The following TTC27 variants were observed in gnomAD, a reference collection of about 807,000 sequenced individuals.
The protein encoded by TTC27 is tetratricopeptide repeat domain 27, also known as tetratricopeptide repeat protein 27.
In TTC27, 79 loss-of-function variants were observed where a neutral mutation model predicts 115.9. That is an observed-to-expected ratio of 0.68 (90% confidence interval 0.57 to 0.82). The LOEUF (loss-of-function observed/expected upper bound fraction) is 0.82. TTC27 is among the 40% of genes least tolerant of loss of function. TTC27 has a pLI of 0.00. For missense variants in TTC27, 1,054 were observed against 993.1 expected (o/e 1.06, Z -0.82); for synonymous variants, 401 against 356.0 (o/e 1.13, Z -1.42).
intron 3 of TTC27, among the ~76,000 whole-genome samples, chr2:32,638,467 C>T (rs1389467138): frequency 1.3e-5 from 2 of 152,188 alleles, no homozygotes; most frequent in African/African-American, 2.4e-5. Context: ...TAACCTCCGC[C>T]TCCCAGGTTC....
At chr2:32,765,335 T>G (rs1340078358) in intron 13 of TTC27, among the ~76,000 whole-genome samples, 1 of 151,164 alleles carries the variant, frequency 6.6e-6, no homozygotes, top group African/African-American at 2.4e-5. Flanking sequence ...ATGTCAATGA[T>G]CAGTAATATT....
chr2:32,777,954 C>G lies in TTC27; in HGVS notation c.1753C>G (p.Gln585Glu). ...EDYQGSAKAF[Q>E]RCVTLEPDNA... ...CTATCAAGGTTCAGCAAAGGCATTT[C>G]AGCGCTGTGTGACTCTAGAACCCGA... is the stretch of plus-strand genomic sequence containing the variant. The change falls in exon 14 of 20, where the codon CAG becomes GAG. Residue 585 changes from glutamine (Q) to glutamate (E), a missense_variant. By Grantham distance (29) the Gln-to-Glu change is conservative. Coordinates refer to ENST00000317907, the MANE Select transcript of TTC27 (RefSeq NM_017735.5). 6.2e-7 allele frequency: 1 copy of G among 1,614,090 alleles called. No individual in the cohort carries two copies. The highest frequency in any genetic ancestry group is 1.1e-5 in the South Asian group (1 of 91,064).
chr2:32,628,739 C>CTATTTATTTATTTATT (rs35823725), intron 1 of TTC27, among the ~76,000 whole-genome samples: 1 of 144,994 alleles, frequency 6.9e-6, no homozygotes, highest in African/African-American at 2.6e-5. Context: ...TTTATTTTAT[C>CTATTTATTTATTTATT]TATTTATTTA....
At chr2:32,779,121 G>C (rs1670090561) in intron 14 of TTC27, among the ~76,000 whole-genome samples, 1 of 152,156 alleles carries the variant, frequency 6.6e-6, no homozygotes, top group Non-Finnish European at 1.5e-5. Flanking sequence ...TACTCAGGAG[G>C]CTGAGGCGGG....
intron 15 of TTC27, among the ~76,000 whole-genome samples, chr2:32,783,684 A>G (rs990168814): frequency 6.6e-6 from 1 of 152,266 alleles, no homozygotes; most frequent in African/African-American, 2.4e-5. Flanking sequence ...TGTTGTAACA[A>G]TTCAGGCATG....
intron 16 of TTC27, among the ~76,000 whole-genome samples, chr2:32,793,054 A>G (rs1283395438): frequency 6.6e-6 from 1 of 152,186 alleles, no homozygotes; most frequent in Non-Finnish European, 1.5e-5. Context: ...AATGAAATCA[A>G]GATGTGGGTA....
In TTC27 at chr2:32,815,408, T is replaced by G. The variant is rs191112881; in HGVS notation, c.2309-2049T>G. Among the ~76,000 whole-genome samples, 1,418 of 151,728 alleles carry G rather than the reference T, an allele frequency of 9.3e-3. 19 individuals are homozygous for G. Among genetic ancestry groups the G allele is most frequent in the African/African-American group, 0.033 (1,350 of 41,322 alleles). On this transcript the variant is annotated intron_variant, in intron 18 of 19. Transcript: ENST00000317907. Reference sequence around the variant, plus strand: ...GCCCACCACCACGCCCGGCTAATTTTTTGTATTTTTAATAGAGACAGGGTT... The same window carrying G: ...GCCCACCACCACGCCCGGCTAATTTGTTGTATTTTTAATAGAGACAGGGTT...
chr2:32,668,983 G>T (rs1665904709), intron 7 of TTC27, among the ~76,000 whole-genome samples: 1 of 152,084 alleles, frequency 6.6e-6, no homozygotes, highest in African/African-American at 2.4e-5. Flanking sequence ...GGAGTCTGTG[G>T]CAGGAGAATG....
chr2:32,777,322 G>A (rs760205875), intron 13 of TTC27, among the ~76,000 whole-genome samples: 3 of 152,216 alleles, frequency 2.0e-5, no homozygotes, highest in Admixed American at 1.3e-4. Context: ...GCTTCCAGGC[G>A]TCACCGCCCC....
chr2:32,646,175 C>T (rs549306820), intron 4 of TTC27, among the ~76,000 whole-genome samples: 3 of 151,860 alleles, frequency 2.0e-5, no homozygotes, highest in African/African-American at 7.2e-5. Flanking sequence ...ACTACAGGCG[C>T]CCACCACCAT....
chr2:32,740,434 G>C (rs1245404653), intron 12 of TTC27, among the ~76,000 whole-genome samples: 1 of 126,864 alleles, frequency 7.9e-6, no homozygotes, highest in Non-Finnish European at 1.6e-5. Context: ...CAATTGGTTT[G>C]GATTTCCTGT....
intron 4 of TTC27, among the ~76,000 whole-genome samples, chr2:32,644,174 C>G: frequency 8.6e-6 from 1 of 116,880 alleles, no homozygotes; most frequent in Non-Finnish European, 1.7e-5. Context: ...CAGCGAGACT[C>G]TGTTTCAAAA....
rs2063521876 is a variant in TTC27, at chr2:32,628,080, C to T, written c.-213C>T. On this transcript the variant is annotated 5_prime_UTR_variant, in exon 1 of 20. Transcript: ENST00000317907. ...CCTAGGCGGAAGCCAGACCAGAGAG[C>T]GTGCGTGTTTTTCCCAGGGTGCCCC... 3.6e-6 allele frequency: 2 copies of T among 548,474 alleles called. No homozygotes were observed. The highest frequency in any genetic ancestry group is 3.4e-5 in the Admixed American group (1 of 29,298). 34.0% of individuals were successfully genotyped at this position (548,474 alleles called of 1,614,324 possible). A position where few individuals can be genotyped will look rare whatever the true frequency, so the allele number is the denominator to read the frequency against.
intron 5 of TTC27, among the ~76,000 whole-genome samples, chr2:32,655,928 T>A (rs1484324173): frequency 6.6e-6 from 1 of 152,154 alleles, no homozygotes; most frequent in African/African-American, 2.4e-5. Flanking sequence ...CAAATTCAGT[T>A]CCTCAGTTTC....
intron 7 of TTC27, among the ~76,000 whole-genome samples, chr2:32,668,709 A>G (rs189137653): frequency 6.4e-4 from 97 of 152,054 alleles, no homozygotes; most frequent in Admixed American, 6.0e-3. Context: ...CATGTAATAC[A>G]TGTTACAGGG....
intron 13 of TTC27, among the ~76,000 whole-genome samples, chr2:32,772,464 T>C (rs1246918264): frequency 6.6e-6 from 1 of 152,246 alleles, no homozygotes; most frequent in African/African-American, 2.4e-5. Context: ...GCAAAAATGA[T>C]ACATTTTCAG....
chr2:32,764,406 A>G (rs188448065), intron 13 of TTC27, among the ~76,000 whole-genome samples: 28 of 152,334 alleles, frequency 1.8e-4, no homozygotes, highest in African/African-American at 5.8e-4. Flanking sequence ...AAAAAAACAA[A>G]CAAAAATCAT....
intron 5 of TTC27, among the ~76,000 whole-genome samples, chr2:32,656,146 C>T (rs989173647): frequency 1.3e-5 from 2 of 152,032 alleles, no homozygotes; most frequent in East Asian, 1.9e-4. Context: ...TTATCTTTGG[C>T]CTTCTATCTC....
chr2:32,787,544 C>T (rs1241356387), intron 16 of TTC27, among the ~76,000 whole-genome samples: 1 of 152,092 alleles, frequency 6.6e-6, no homozygotes, highest in African/African-American at 2.4e-5. Flanking sequence ...TACTGCATAC[C>T]TTCAGATGGT....
Sources: allele counts gnomAD v4.1 joint callset (sites outside exome capture counted in the v4.1 genomes callset), GRCh38; gene constraint gnomAD v4.1.1; transcripts MANE v1.5; gene names NCBI Gene and HGNC (gene_info 2026-07-23, HGNC 2026-07-21).